The following TAB3 variants were observed in gnomAD, a reference collection of about 807,000 sequenced individuals.
The protein encoded by TAB3 is TGF-beta activated kinase 1 (MAP3K7) binding protein 3, also known as TGF-beta-activated kinase 1 and MAP3K7-binding protein 3.
A neutral mutation model predicts 48.1 loss-of-function variants in TAB3; 18 were observed. The ratio of observed to expected loss-of-function variants is 0.37; its 90% CI spans 0.26 to 0.55. TAB3 has a LOEUF of 0.55. Among genes scored for constraint, TAB3 ranks in the 20% least tolerant of loss-of-function variants. The probability of loss-of-function intolerance (pLI) is 0.78; values close to 1 mark genes in which losing one functional copy is unlikely to be tolerated. For missense variants in TAB3, 414 were observed against 549.8 expected (o/e 0.75, Z 2.47); for synonymous variants, 185 against 190.2 (o/e 0.97, Z 0.22).
At chrX:30,873,959 A>G (rs1422317752) in intron 1 of TAB3, among the ~76,000 whole-genome samples, 1 of 111,064 alleles carries the variant, frequency 9.0e-6, no homozygotes, top group Non-Finnish European at 1.9e-5. Context: ...GGATCCCTTG[A>G]TCCCAGGAGT....
At chrX:30,867,267 T>A (rs1373579775) in intron 3 of TAB3, 49 bp from the exon 4 acceptor site, 1 of 111,832 alleles carries the variant, frequency 8.9e-6, no homozygotes, top group Non-Finnish European at 1.9e-5. Context: ...GAAATCTGAA[T>A]ATAGACTTCA....
At position 30,868,312 on chromosome X, in the gene TAB3, T is replaced by TATATATATATATATATATATATATA. The variant is rs1410557148; in HGVS notation, c.-279-764_-279-763insTATATATATATATATATATATATAT. ...TTTAGTGAAAAGCTATATATATATA[T>TATATATATATATATATATATATATA]AGCTTATATATATATATATATAAGC... On this transcript the variant is annotated intron_variant, in intron 2 of 10. Transcript: ENST00000288422. Among the ~76,000 whole-genome samples, 2 of 2,402 alleles carry TATATATATATATATATATATATATA rather than the reference T, an allele frequency of 8.3e-4. 1 individual carries two copies. The highest frequency in any genetic ancestry group is 2.2e-3 in the African/African-American group (2 of 927). The allele number at this position is 2,402 out of a possible 115,157, so 2.1% of individuals were successfully genotyped here. A position where few individuals can be genotyped will look rare whatever the true frequency, so the allele number is the denominator to read the frequency against.
In TAB3 at chrX:30,833,648, A is replaced by G. The variant is rs759218258; in HGVS notation, c.1990+403T>C. On this transcript the variant is annotated intron_variant, in intron 10 of 10. Coordinates refer to ENST00000288422, the MANE Select transcript of TAB3 (RefSeq NM_152787.5). ...AGATCGATACCATCCTGGCTAACAC[A>G]GTGAAACCCCGTCTCTACTAAAAAC... 5.9e-3 allele frequency among the ~76,000 whole-genome samples: 647 copies of G among 109,513 alleles called. 7 individuals carry two copies. The highest frequency in any genetic ancestry group is 0.02 in the African/African-American group (603 of 30,129).
At chrX:30,868,309 ATATAGCT>A (rs5901958) in intron 2 of TAB3, among the ~76,000 whole-genome samples, 4,099 of 6,095 alleles carry the variant, frequency 0.67, 1,597 homozygotes, top group Admixed American at 0.77. Context: ...CTATATATAT[ATATAGCT>A]TATATATATA....
In TAB3 at chrX:30,834,106, G is replaced by A. The variant is rs1224113511; in HGVS notation, c.1935C>T (p.Ser645=). 4.1e-6 allele frequency: 5 copies of A among 1,211,316 alleles called. No individual in the cohort carries two copies. Among genetic ancestry groups the A allele is most frequent in the Admixed American group, 2.2e-5 (1 of 45,966 alleles). ...TGTCTGCCTGTACTTTGGAGGTCACGCTAATTCTTCGGGCTTTTCTCTCAA... is the reference window on the plus strand; with the variant it reads ...TGTCTGCCTGTACTTTGGAGGTCACACTAATTCTTCGGGCTTTTCTCTCAA... The part of the protein sequence containing the change: ...CTIERKARRI[S]VTSKVQADIH... The change falls in exon 10 of 11, where the codon AGC becomes AGT. Residue 645 remains serine, a synonymous_variant. Coordinates refer to ENST00000288422, the MANE Select transcript of TAB3 (RefSeq NM_152787.5).
intron 8 of TAB3, chrX:30,845,450 G>A (rs1185557853): frequency 8.9e-6 from 1 of 111,891 alleles, no homozygotes; most frequent in Non-Finnish European, 1.9e-5. Context: ...TTTCTGTCAA[G>A]GGCCAGATAA....
At chrX:30,876,066 G>C (rs1939822011) in intron 1 of TAB3, among the ~76,000 whole-genome samples, 1 of 112,207 alleles carries the variant, frequency 8.9e-6, no homozygotes, top group Non-Finnish European at 1.9e-5. Context: ...CCACTTTCGG[G>C]TTGGGACCCT....
Position 30,831,448 on chromosome X carries a change from G to A in TAB3, c.2118C>T (p.Cys706=), listed in dbSNP as rs764020644. The change falls in exon 11 of 11, where the codon TGC becomes TGT. Residue 706 remains cysteine, a synonymous_variant. Transcript: ENST00000288422. ...NHPALNRCEQ[C]EMPRYT Reference sequence around the variant, plus strand: ...GAATTCAGGTGTACCGTGGCATCTCGCACTGCTCACAGCGATTTAGTGCTG... The same window carrying A: ...GAATTCAGGTGTACCGTGGCATCTCACACTGCTCACAGCGATTTAGTGCTG... The A allele has an allele frequency of 4.7e-5, 57 of 1,208,107 alleles. No individual in the cohort carries two copies. Among genetic ancestry groups the A allele is most frequent in the South Asian group, 2.0e-4 (11 of 56,374 alleles).
At chrX:30,876,139 T>C (rs1212930997) in intron 1 of TAB3, among the ~76,000 whole-genome samples, 1 of 111,999 alleles carries the variant, frequency 8.9e-6, no homozygotes, top group Non-Finnish European at 1.9e-5. Flanking sequence ...CTGAATGTGA[T>C]GTGGCCTTGA....
At chrX:30,886,476 T>C (rs1313117996) in intron 1 of TAB3, among the ~76,000 whole-genome samples, 1 of 111,741 alleles carries the variant, frequency 8.9e-6, no homozygotes, top group Admixed American at 9.5e-5. Context: ...CCCATCAAGA[T>C]GCCAAGGGAT....
intron 7 of TAB3, among the ~76,000 whole-genome samples, chrX:30,846,857 A>G (rs982190485): frequency 4.8e-4 from 54 of 111,875 alleles, no homozygotes; most frequent in African/African-American, 1.7e-3. Flanking sequence ...TATAAACAAA[A>G]TCTGCATATA....
At chrX:30,850,655 T>A (rs1395059871) in intron 7 of TAB3, among the ~76,000 whole-genome samples, 2 of 104,549 alleles carry the variant, frequency 1.9e-5, no homozygotes, top group African/African-American at 7.1e-5. Flanking sequence ...GAGGTTGCCG[T>A]GAGCCGAGAT....
At chrX:30,847,392 C>T (rs1008377104) in intron 7 of TAB3, among the ~76,000 whole-genome samples, 3 of 109,332 alleles carry the variant, frequency 2.7e-5, no homozygotes, top group Admixed American at 9.9e-5. Flanking sequence ...TTCAGGGGCA[C>T]ATATGAGGCA....
At chrX:30,872,496 G>A (rs946300862) in intron 1 of TAB3, among the ~76,000 whole-genome samples, 1 of 111,888 alleles carries the variant, frequency 8.9e-6, no homozygotes, top group Non-Finnish European at 1.9e-5. Flanking sequence ...TTCAGGAATA[G>A]CTTTAACTTC....
chrX:30,858,574 T>G (rs1350910774), intron 5 of TAB3, among the ~76,000 whole-genome samples: 1 of 112,215 alleles, frequency 8.9e-6, no homozygotes, highest in Non-Finnish European at 1.9e-5. Context: ...CCTGAGCTGC[T>G]CACACTGCCA....
chrX:30,842,690 G>A (rs1938492387), intron 9 of TAB3, among the ~76,000 whole-genome samples: 1 of 110,428 alleles, frequency 9.1e-6, no homozygotes, highest in Non-Finnish European at 1.9e-5. Flanking sequence ...ATGGTGGTGT[G>A]TGCCTACCAT....
At chrX:30,868,805 A>C (rs1337273201) in intron 2 of TAB3, among the ~76,000 whole-genome samples, 1 of 106,325 alleles carries the variant, frequency 9.4e-6, no homozygotes, top group African/African-American at 3.4e-5. Flanking sequence ...ACAAGTTTCT[A>C]ATTGATCTCC....
chrX:30,838,152 T>C (rs921697504), intron 9 of TAB3, among the ~76,000 whole-genome samples: 7 of 111,383 alleles, frequency 6.3e-5, no homozygotes, highest in African/African-American at 2.0e-4. Flanking sequence ...GGCTGGAGTA[T>C]AGTGCTGCAA....
At chrX:30,854,011 C>A (rs1938962128) in intron 6 of TAB3, 105 bp downstream of exon 6, 1 of 950,923 alleles carries the variant, frequency 1.1e-6, no homozygotes, top group Non-Finnish European at 1.4e-6. Flanking sequence ...TACTGCCCAA[C>A]ATTTAATACT....
Sources: allele counts gnomAD v4.1 joint callset (sites outside exome capture counted in the v4.1 genomes callset), GRCh38; gene constraint gnomAD v4.1.1; transcripts MANE v1.5; gene names NCBI Gene and HGNC (gene_info 2026-07-23, HGNC 2026-07-21).